Variants in PDE4D observed in about 807,000 individuals in gnomAD.
PDE4D encodes the protein 3',5'-cyclic-AMP phosphodiesterase 4D.
PDE4D carries 24 observed loss-of-function variants against 87.4 expected under a neutral mutation model. The ratio of observed to expected loss-of-function variants is 0.27; its 90% CI spans 0.20 to 0.39. PDE4D has a LOEUF of 0.39. PDE4D is among the 10% of genes least tolerant of loss of function. The pLI is 1.00. For missense variants in PDE4D, 714 were observed against 1,041.0 expected (o/e 0.69, Z 4.32); for synonymous variants, 384 against 383.2 (o/e 1.00, Z -0.02).
chr5:59,468,406 T>C (rs1337202268), intron 1 of PDE4D, among the ~76,000 whole-genome samples: 1 of 152,158 alleles, frequency 6.6e-6, no homozygotes, highest in Non-Finnish European at 1.5e-5. Context: ...TCTTTCAGCA[T>C]TAAGGAAGAA....
intron 1 of PDE4D, among the ~76,000 whole-genome samples, chr5:59,769,060 CTTTG>C (rs2152595444): frequency 6.7e-6 from 1 of 149,188 alleles, no homozygotes; most frequent in East Asian, 1.9e-4. Flanking sequence ...AATGCCAATC[CTTTG>C]TTTTTTTCTC....
intron 1 of PDE4D, among the ~76,000 whole-genome samples, chr5:59,465,886 G>A (rs190958209): frequency 1.3e-5 from 2 of 152,326 alleles, no homozygotes; most frequent in East Asian, 3.9e-4. Context: ...TACAGATGGA[G>A]AATCTCAGAC....
intron 1 of PDE4D, among the ~76,000 whole-genome samples, chr5:60,333,794 T>C (rs762134612): frequency 4.6e-5 from 7 of 152,036 alleles, no homozygotes; most frequent in Non-Finnish European, 8.8e-5. Flanking sequence ...AACTCACAAA[T>C]CTCACCCATT....
chr5:59,572,902 C>G (rs1453255529), intron 1 of PDE4D, among the ~76,000 whole-genome samples: 2 of 152,162 alleles, frequency 1.3e-5, no homozygotes, highest in Non-Finnish European at 2.9e-5. Flanking sequence ...TAAAATATAT[C>G]AAACACACTA....
At chr5:60,030,107 C>T (rs905922739) in intron 2 of PDE4D, among the ~76,000 whole-genome samples, 1 of 152,148 alleles carries the variant, frequency 6.6e-6, no homozygotes, top group African/African-American at 2.4e-5. Flanking sequence ...ATCCTAAAGC[C>T]CTAATTACAC....
At chr5:59,338,984 G>A (rs1173080545) in intron 1 of PDE4D, among the ~76,000 whole-genome samples, 1 of 152,104 alleles carries the variant, frequency 6.6e-6, no homozygotes, top group Non-Finnish European at 1.5e-5. Flanking sequence ...TGTAACCAGT[G>A]CCAAATTTGC....
intron 1 of PDE4D, among the ~76,000 whole-genome samples, chr5:60,254,198 C>T (rs770251845): frequency 6.6e-6 from 1 of 151,874 alleles, no homozygotes; most frequent in African/African-American, 2.4e-5. Flanking sequence ...GCTGTAGTCC[C>T]TTGTTGGCTG....
At chr5:59,031,894 TCAGAAA>T (rs1757609109) in intron 6 of PDE4D, among the ~76,000 whole-genome samples, 1 of 151,700 alleles carries the variant, frequency 6.6e-6, no homozygotes, top group Non-Finnish European at 1.5e-5. Flanking sequence ...AAAGTCGATC[TCAGAAA>T]CAGAGAGTAG....
At chr5:59,356,079 A>G (rs1221034281) in intron 1 of PDE4D, among the ~76,000 whole-genome samples, 1 of 152,242 alleles carries the variant, frequency 6.6e-6, no homozygotes, top group East Asian at 1.9e-4. Context: ...AATAATAAAG[A>G]ATAATCAATC....
intron 1 of PDE4D, among the ~76,000 whole-genome samples, chr5:60,203,404 T>G (rs1742152489): frequency 6.6e-6 from 1 of 152,240 alleles, no homozygotes; most frequent in Admixed American, 6.5e-5. Context: ...AATAGCTGAC[T>G]GAGGAGCACA....
chr5:59,392,503 C>CTATATATATATATATATATA lies in PDE4D; in HGVS notation c.456-176555_456-176536dup, dbSNP rs3061702. Among the ~76,000 whole-genome samples the CTATATATATATATATATATA allele has an allele frequency of 8.4e-3, 1,171 of 139,128 alleles. 21 individuals are homozygous for CTATATATATATATATATATA. Among genetic ancestry groups the CTATATATATATATATATATA allele is most frequent in the African/African-American group, 0.025 (932 of 36,890 alleles). The allele number at this position is 139,128 out of a possible 152,430, so 91.3% of individuals were successfully genotyped here. A position where few individuals can be genotyped will look rare whatever the true frequency, so the allele number is the denominator to read the frequency against. On this transcript the variant is annotated intron_variant, in intron 1 of 14. Transcript: ENST00000340635. ...ACCCTTTATATATATGTGTGTGTGT[C>CTATATATATATATATATATA]TATATATATATATATATATATTCCA...
At chr5:60,413,463 G>C (rs1319471299) in intron 1 of PDE4D, among the ~76,000 whole-genome samples, 1 of 152,152 alleles carries the variant, frequency 6.6e-6, no homozygotes. Context: ...GGAGGAAGGA[G>C]GAAGGAGAAG....
At chr5:59,179,253 C>T (rs1319669357) in intron 5 of PDE4D, among the ~76,000 whole-genome samples, 3 of 152,044 alleles carry the variant, frequency 2.0e-5, no homozygotes, top group African/African-American at 7.2e-5. Flanking sequence ...ATTACAGGTG[C>T]TCGCCACCAT....
At chr5:59,548,107 C>T (rs1342066890) in intron 1 of PDE4D, among the ~76,000 whole-genome samples, 1 of 152,208 alleles carries the variant, frequency 6.6e-6, no homozygotes, top group Admixed American at 6.6e-5. Flanking sequence ...GCAATCCTCA[C>T]AACCATTAAA....
intron 1 of PDE4D, among the ~76,000 whole-genome samples, chr5:59,231,215 A>G (rs762829279): frequency 6.6e-6 from 1 of 152,204 alleles, no homozygotes; most frequent in Non-Finnish European, 1.5e-5. Flanking sequence ...AATCTGGCTG[A>G]AGACAAAATG....
intron 1 of PDE4D, among the ~76,000 whole-genome samples, chr5:59,724,718 G>A (rs1210902408): frequency 6.6e-6 from 1 of 152,010 alleles, no homozygotes; most frequent in Non-Finnish European, 1.5e-5. Flanking sequence ...ATAATGAAAT[G>A]ACACATAGGG....
chr5:60,219,268 C>T (rs1203974507), intron 1 of PDE4D, among the ~76,000 whole-genome samples: 1 of 152,116 alleles, frequency 6.6e-6, no homozygotes, highest in Non-Finnish European at 1.5e-5. Flanking sequence ...AGGTTAGCTT[C>T]CTGGAGAATT....
At chr5:59,311,260 C>T (rs958223756) in intron 1 of PDE4D, among the ~76,000 whole-genome samples, 12 of 151,942 alleles carry the variant, frequency 7.9e-5, no homozygotes, top group Admixed American at 2.6e-4. Flanking sequence ...GGCGTGGTGG[C>T]TCATGCTTAT....
In PDE4D at chr5:59,411,238, G is replaced by A. The variant is rs552695833; in HGVS notation, c.456-195270C>T. 8.5e-5 allele frequency among the ~76,000 whole-genome samples: 13 copies of A among 152,244 alleles called. No homozygotes were observed. The East Asian group carries it at 2.1e-3, about 25-fold the overall frequency. ...CTCCTCTGTGGGCACTTTGTAATTA[G>A]CATTCTCAACTTTGTTGATTTTTTC... On this transcript the variant is annotated intron_variant, in intron 1 of 14. Coordinates refer to ENST00000340635, the MANE Select transcript of PDE4D (RefSeq NM_001104631.2).
Sources: allele counts gnomAD v4.1 joint callset (sites outside exome capture counted in the v4.1 genomes callset), GRCh38; gene constraint gnomAD v4.1.1; transcripts MANE v1.5; gene names NCBI Gene and HGNC (gene_info 2026-07-23, HGNC 2026-07-21).